ELOVL2: variants seen among roughly 807,000 people sequenced by gnomAD.
ELOVL2 encodes very long chain fatty acid elongase 2.
A neutral mutation model predicts 37.7 loss-of-function variants in ELOVL2; 38 were observed. The ratio of observed to expected loss-of-function variants is 1.01; its 90% CI spans 0.78 to 1.32. The LOEUF (loss-of-function observed/expected upper bound fraction) is 1.32, where lower values mean the gene tolerates loss of function less well. Ranked by LOEUF, ELOVL2 falls within the 40% of genes most tolerant of loss-of-function variation. ELOVL2 has a pLI of 0.00. For missense variants in ELOVL2, 352 were observed against 363.6 expected (o/e 0.97, Z 0.26); for synonymous variants, 115 against 122.3 (o/e 0.94, Z 0.40).
chr6:10,994,293 C>A (rs1343053915), intron 5 of ELOVL2, among the ~76,000 whole-genome samples: 2 of 151,794 alleles, frequency 1.3e-5, no homozygotes, highest in East Asian at 3.9e-4. Flanking sequence ...ATAGTGAAAC[C>A]CTGTCTCTAC....
intron 2 of ELOVL2, among the ~76,000 whole-genome samples, chr6:11,006,268 C>T (rs1335472910): frequency 1.3e-5 from 2 of 152,138 alleles, no homozygotes; most frequent in South Asian, 2.1e-4. Context: ...TGGGACTGGA[C>T]GTTTACACAG....
chr6:10,990,228 A>G, intron 6 of ELOVL2, 90 bp downstream of exon 6: 1 of 1,522,178 alleles, frequency 6.6e-7, no homozygotes, highest in Non-Finnish European at 8.8e-7. Flanking sequence ...GCCTCATCAC[A>G]CATAAAAAGC....
intron 1 of ELOVL2, among the ~76,000 whole-genome samples, chr6:11,019,688 GACTA>G (rs1240959522): frequency 2.0e-5 from 3 of 150,154 alleles, no homozygotes; most frequent in Non-Finnish European, 3.0e-5. Flanking sequence ...AAAAGGGAGG[GACTA>G]ACTTTTTACT....
Position 10,983,768 on chromosome 6 carries a change from CTG to C in ELOVL2, c.*11_*12del, listed in dbSNP as rs752196511. The C allele has an allele frequency of 1.9e-6, 3 of 1,595,930 alleles. No homozygotes were observed. In the Admixed American group the frequency reaches 5.4e-5, roughly 29 times the overall value. The stretch of plus-strand genomic sequence containing the variant: ...TGTTAGGCTAGTATATGTGCTTTTT[CTG>C]TTACTCATTTTTATTGTGCTTTCTT... On this transcript the variant is annotated 3_prime_UTR_variant, in exon 8 of 8. Coordinates refer to ENST00000354666, the MANE Select transcript of ELOVL2 (RefSeq NM_017770.4).
chr6:10,989,947 T>A (rs1253545760), intron 6 of ELOVL2, 110 bp from the exon 7 acceptor site: 5 of 1,302,624 alleles, frequency 3.8e-6, no homozygotes, highest in Non-Finnish European at 5.3e-6. Flanking sequence ...CTTGGAATTA[T>A]GTAGGAACAA....
chr6:11,043,007 T>C (rs1422458720), intron 1 of ELOVL2, among the ~76,000 whole-genome samples: 2 of 152,140 alleles, frequency 1.3e-5, no homozygotes. Context: ...AAATATGCAG[T>C]ACGCTAACTA....
intron 1 of ELOVL2, among the ~76,000 whole-genome samples, chr6:11,042,610 G>A (rs1196424079): frequency 1.3e-5 from 2 of 151,894 alleles, no homozygotes; most frequent in Non-Finnish European, 2.9e-5. Flanking sequence ...TCCTAAAAAT[G>A]CTTTGTCCAC....
rs1316873916 is a variant in ELOVL2 at position 11,020,562 on chromosome 6, CCTTTAG to C, written c.4-9759_4-9754del. Reference sequence around the variant, plus strand: ...GCTCAGGGAAGGGGTACAAGAGGGTCCTTTAGCTCTTTAGTTACTCCATTCTGCTTT... The same window carrying C: ...GCTCAGGGAAGGGGTACAAGAGGGTCCTCTTTAGTTACTCCATTCTGCTTT... On this transcript the variant is annotated intron_variant, in intron 1 of 7. Transcript: ENST00000354666. Among the ~76,000 whole-genome samples the C allele has an allele frequency of 5.3e-5, 8 of 152,204 alleles. No homozygotes were observed. The South Asian group carries it at 1.5e-3, about 28-fold the overall frequency.
In ELOVL2 at chr6:11,005,536, T is replaced by G. The variant is rs1237102438; in HGVS notation, c.91A>C (p.Met31Leu). Reference sequence around the variant, plus strand: ...AAGGTAGGAAGGTAAGAGTCCAACATGAACCACCCTCTGACTCGAGAATCT... The same window carrying G: ...AAGGTAGGAAGGTAAGAGTCCAACAGGAACCACCCTCTGACTCGAGAATCT... ...PRDSRVRGWF[M>L]LDSYLPTFFL... is the part of the protein sequence containing the mutation. The change falls in exon 3 of 8, where the codon ATG (methionine) becomes CTG (leucine). Residue 31 changes from methionine (M) to leucine (L), a missense_variant. Coordinates refer to ENST00000354666, the MANE Select transcript of ELOVL2 (RefSeq NM_017770.4). 6.2e-7 allele frequency: 1 copy of G among 1,613,616 alleles called. No homozygotes were observed.
At chr6:11,026,756 A>T (rs1007088681) in intron 1 of ELOVL2, among the ~76,000 whole-genome samples, 2 of 152,214 alleles carry the variant, frequency 1.3e-5, no homozygotes, top group African/African-American at 2.4e-5. Flanking sequence ...GAATAACAGG[A>T]TTTATTGCCG....
intron 3 of ELOVL2, among the ~76,000 whole-genome samples, chr6:11,004,677 T>C (rs569353845): frequency 2.2e-4 from 34 of 152,194 alleles, no homozygotes; most frequent in Non-Finnish European, 3.1e-4. Flanking sequence ...TCAGTCAAAC[T>C]AACTGCATAT....
At chr6:10,991,425 T>C (rs926808024) in intron 5 of ELOVL2, among the ~76,000 whole-genome samples, 41 of 106,134 alleles carry the variant, frequency 3.9e-4, no homozygotes, top group African/African-American at 1.4e-3. Flanking sequence ...CTTGGAGACA[T>C]TGATTTGACG....
chr6:10,990,151 GCA>G (rs112090646), intron 6 of ELOVL2, among the ~76,000 whole-genome samples, 165 bp downstream of exon 6: 2,444 of 152,236 alleles, frequency 0.016, 60 homozygotes, highest in African/African-American at 0.055. Context: ...CTAATAGCAT[GCA>G]CAAAGGGCAT....
intron 1 of ELOVL2, among the ~76,000 whole-genome samples, chr6:11,039,832 G>A (rs1783072588): frequency 1.3e-5 from 2 of 152,224 alleles, no homozygotes; most frequent in Admixed American, 1.3e-4. Flanking sequence ...ATTTGACAAA[G>A]GAAAGGTATT....
At chr6:11,016,022 G>A (rs1328236075) in intron 1 of ELOVL2, 1 of 152,200 alleles carries the variant, frequency 6.6e-6, no homozygotes, top group East Asian at 1.9e-4. Flanking sequence ...CAGGAAGCAA[G>A]GCAGAAATGA....
intron 2 of ELOVL2, among the ~76,000 whole-genome samples, chr6:11,006,020 C>T (rs1017954445): frequency 6.6e-6 from 1 of 152,192 alleles, no homozygotes; most frequent in Non-Finnish European, 1.5e-5. Flanking sequence ...TACCTTGCAG[C>T]TGTCCTCCCA....
intron 1 of ELOVL2, among the ~76,000 whole-genome samples, chr6:11,035,528 T>C (rs1056949411): frequency 1.3e-5 from 2 of 152,224 alleles, no homozygotes; most frequent in African/African-American, 4.8e-5. Context: ...CACACAGACA[T>C]AGTCTTGATC....
At chr6:11,031,714 T>G (rs1370973245) in intron 1 of ELOVL2, among the ~76,000 whole-genome samples, 1 of 152,248 alleles carries the variant, frequency 6.6e-6, no homozygotes, top group Non-Finnish European at 1.5e-5. Context: ...TGTCACTTTT[T>G]ATGGTTTGTG....
chr6:10,989,555 C>T (rs1054871465), intron 7 of ELOVL2, 148 bp downstream of exon 7: 3 of 691,876 alleles, frequency 4.3e-6, no homozygotes, highest in Non-Finnish European at 4.7e-6. Context: ...AGGAGAATCA[C>T]TTGAACCCAG....
Sources: allele counts gnomAD v4.1 joint callset (sites outside exome capture counted in the v4.1 genomes callset), GRCh38; gene constraint gnomAD v4.1.1; transcripts MANE v1.5; gene names NCBI Gene and HGNC (gene_info 2026-07-23, HGNC 2026-07-21).